The following LSAMP variants were observed in gnomAD, a reference collection of about 807,000 sequenced individuals.
LSAMP encodes limbic system associated membrane protein, also known as limbic system-associated membrane protein.
A neutral mutation model predicts 38.6 loss-of-function variants in LSAMP; 7 were observed. The ratio of observed to expected loss-of-function variants is 0.18; its 90% CI spans 0.10 to 0.34. The LOEUF (loss-of-function observed/expected upper bound fraction) is 0.34, where lower values mean the gene tolerates loss of function less well. Among genes scored for constraint, LSAMP ranks in the 10% least tolerant of loss-of-function variants. LSAMP has a pLI of 1.00. For synonymous variants in LSAMP, 154 were observed against 166.8 expected, an observed-to-expected ratio of 0.92 and a Z score of 0.59; for missense variants, 313 against 420.0, an observed-to-expected ratio of 0.75 and a Z score of 2.23.
chr3:116,244,519 C>T (rs1576456341), intron 1 of LSAMP, among the ~76,000 whole-genome samples: 1 of 152,164 alleles, frequency 6.6e-6, no homozygotes, highest in Non-Finnish European at 1.5e-5. Flanking sequence ...TCTTCCTGCT[C>T]TTTGTGTGAC....
intron 1 of LSAMP, among the ~76,000 whole-genome samples, chr3:116,398,854 T>G (rs1012220119): frequency 2.0e-5 from 3 of 152,158 alleles, no homozygotes; most frequent in Admixed American, 6.5e-5. Flanking sequence ...ACAATATAAA[T>G]GAATCCAATA....
chr3:116,276,951 GT>G (rs2047063414), intron 1 of LSAMP, among the ~76,000 whole-genome samples: 1 of 152,158 alleles, frequency 6.6e-6, no homozygotes, highest in Non-Finnish European at 1.5e-5. Context: ...TCTCAGGTTT[GT>G]TGACAGTCAT....
chr3:116,100,384 T>G (rs914445005), intron 1 of LSAMP, among the ~76,000 whole-genome samples: 1 of 152,068 alleles, frequency 6.6e-6, no homozygotes, highest in Non-Finnish European at 1.5e-5. Context: ...CCAGCCAAAG[T>G]TATTCTTATT....
At chr3:115,992,624 C>G (rs551003602) in intron 3 of LSAMP, among the ~76,000 whole-genome samples, 1 of 151,912 alleles carries the variant, frequency 6.6e-6, no homozygotes, top group South Asian at 2.1e-4. Context: ...AAATAAAAAG[C>G]TTTTCAAAAA....
chr3:116,113,404 ATATATATATATATATATTTTTTTTTTTTT>A (rs1229813170), intron 1 of LSAMP, among the ~76,000 whole-genome samples: 1 of 66,980 alleles, frequency 1.5e-5, no homozygotes, highest in Admixed American at 1.9e-4. Context: ...TTTGCCCTAT[ATATATATATATATATATTTTTTTTTTTTT>A]TTTTTTTTTT....
In LSAMP at chr3:116,063,223, CAAA is replaced by C. The variant is rs1196812327; in HGVS notation, c.388+23098_388+23100del. Among the ~76,000 whole-genome samples, 5 of 152,052 alleles carry C rather than the reference CAAA, an allele frequency of 3.3e-5. No individual in the cohort carries two copies. In the East Asian group the frequency reaches 7.7e-4, roughly 23 times the overall value. On this transcript the variant is annotated intron_variant, in intron 2 of 6. Coordinates refer to ENST00000490035, the MANE Select transcript of LSAMP (RefSeq NM_002338.5). ...ATGGTGTCTTGATCTTTGCATTTGA[CAAA>C]CCTCATTAAATATTTTACAATAGAA...
At chr3:116,135,809 T>A (rs1051244593) in intron 1 of LSAMP, among the ~76,000 whole-genome samples, 1 of 152,206 alleles carries the variant, frequency 6.6e-6, no homozygotes, top group African/African-American at 2.4e-5. Flanking sequence ...CAAATGAGAT[T>A]GAAGATAATG....
At chr3:116,298,510 A>G (rs760399805) in intron 1 of LSAMP, among the ~76,000 whole-genome samples, 9 of 152,190 alleles carry the variant, frequency 5.9e-5, no homozygotes, top group Non-Finnish European at 1.3e-4. Context: ...GAAAGCACAG[A>G]GATACCAAGG....
At chr3:115,912,057 T>C (rs1937147899) in intron 3 of LSAMP, among the ~76,000 whole-genome samples, 1 of 152,226 alleles carries the variant, frequency 6.6e-6, no homozygotes, top group South Asian at 2.1e-4. Flanking sequence ...TTATACATTC[T>C]AGCTATCACT....
chr3:116,088,584 T>C (rs34837013), intron 1 of LSAMP, among the ~76,000 whole-genome samples: 42,400 of 152,122 alleles, frequency 0.28, 7,457 homozygotes, highest in Middle Eastern at 0.48. Context: ...ATTTACCATG[T>C]TTTTTCTATT....
chr3:116,181,535 G>T (rs1358920953), intron 1 of LSAMP, among the ~76,000 whole-genome samples: 3 of 152,014 alleles, frequency 2.0e-5, no homozygotes, highest in African/African-American at 7.2e-5. Context: ...ATTTCCTAAG[G>T]AGGCACATCA....
intron 1 of LSAMP, among the ~76,000 whole-genome samples, chr3:116,419,621 T>A (rs1028492693): frequency 6.6e-6 from 1 of 152,238 alleles, no homozygotes; most frequent in Middle Eastern, 3.4e-3. Context: ...AGCAGTAATC[T>A]TTTTTTAAAA....
intron 3 of LSAMP, among the ~76,000 whole-genome samples, chr3:115,949,518 G>C (rs2107574621): frequency 6.6e-6 from 1 of 151,734 alleles, no homozygotes; most frequent in South Asian, 2.1e-4. Flanking sequence ...AGCCCTCCTA[G>C]ATTAACTCAG....
At chr3:115,829,320 G>A (rs1934532924) in intron 6 of LSAMP, among the ~76,000 whole-genome samples, 1 of 152,118 alleles carries the variant, frequency 6.6e-6, no homozygotes, top group Non-Finnish European at 1.5e-5. Context: ...TATCCCGCTT[G>A]AGTCTCTAAC....
intron 1 of LSAMP, among the ~76,000 whole-genome samples, chr3:116,341,497 G>T (rs1031892445): frequency 6.6e-6 from 1 of 151,966 alleles, no homozygotes; most frequent in African/African-American, 2.4e-5. Flanking sequence ...ATTGACCAGA[G>T]AGGATAGTAA....
At position 116,425,858 on chromosome 3, in the gene LSAMP, C is replaced by A. The variant is rs1247416466; in HGVS notation, c.155+19019G>T. 2.2e-5 allele frequency among the ~76,000 whole-genome samples: 3 copies of A among 137,768 alleles called. No homozygotes were observed. In the East Asian group the frequency reaches 6.7e-4, roughly 31 times the overall value. The allele number at this position is 137,768 out of a possible 152,430, so 90.4% of individuals were successfully genotyped here. On this transcript the variant is annotated intron_variant, in intron 1 of 6. Coordinates refer to ENST00000490035, the MANE Select transcript of LSAMP (RefSeq NM_002338.5). Reference sequence around the variant, plus strand: ...TTTAGGTAAATAGATGGGAAAAAAACCATACATCCTAAAGCAAAAAAAAAA... The same window carrying A: ...TTTAGGTAAATAGATGGGAAAAAAAACATACATCCTAAAGCAAAAAAAAAA...
At chr3:116,406,651 G>GA (rs34065410) in intron 1 of LSAMP, among the ~76,000 whole-genome samples, 4 of 152,080 alleles carry the variant, frequency 2.6e-5, no homozygotes, top group African/African-American at 7.2e-5. Context: ...GCAATAGAGA[G>GA]AAAAAATGGC....
At chr3:116,339,713 C>T (rs1174196777) in intron 1 of LSAMP, among the ~76,000 whole-genome samples, 2 of 152,000 alleles carry the variant, frequency 1.3e-5, no homozygotes, top group African/African-American at 4.8e-5. Context: ...TTTGAGCCAC[C>T]AGATGAGAAG....
intron 3 of LSAMP, among the ~76,000 whole-genome samples, chr3:115,880,309 A>G (rs1454869988): frequency 6.6e-6 from 1 of 152,160 alleles, no homozygotes; most frequent in Non-Finnish European, 1.5e-5. Context: ...GAAACTCCCC[A>G]AACAACTCCT....
Sources: allele counts gnomAD v4.1 joint callset (sites outside exome capture counted in the v4.1 genomes callset), GRCh38; gene constraint gnomAD v4.1.1; transcripts MANE v1.5; gene names NCBI Gene and HGNC (gene_info 2026-07-23, HGNC 2026-07-21).